LRRC49: variants seen among roughly 807,000 people sequenced by gnomAD.
LRRC49 encodes leucine-rich repeat-containing protein 49.
Under a neutral mutation model 83.3 loss-of-function variants are expected in LRRC49, and 50 were observed. The ratio of observed to expected loss-of-function variants is 0.60; its 90% CI spans 0.48 to 0.76. The LOEUF is 0.76. Among genes scored for constraint, LRRC49 ranks in the 30% least tolerant of loss-of-function variants. The pLI is 0.00. For missense variants in LRRC49, 704 were observed against 809.1 expected, an observed-to-expected ratio of 0.87 and a Z score of 1.58; for synonymous variants, 286 against 283.3, an observed-to-expected ratio of 1.01 and a Z score of -0.10.
At chr15:70,866,348 T>A (rs1390207341) in intron 1 of LRRC49, among the ~76,000 whole-genome samples, 1 of 152,058 alleles carries the variant, frequency 6.6e-6, no homozygotes, top group African/African-American at 2.4e-5. Context: ...GGTTTCACCA[T>A]GTTGGCCAGG....
chr15:70,993,403 C>A (rs894940893), intron 11 of LRRC49, among the ~76,000 whole-genome samples: 9 of 152,274 alleles, frequency 5.9e-5, no homozygotes, highest in Non-Finnish European at 8.8e-5. Flanking sequence ...ACCCACTGTC[C>A]AACAAGCCCC....
intron 6 of LRRC49, among the ~76,000 whole-genome samples, chr15:70,915,002 A>G (rs974622238): frequency 6.6e-6 from 1 of 152,232 alleles, no homozygotes; most frequent in Non-Finnish European, 1.5e-5. Context: ...TGTATGACCC[A>G]TAAATGGGCT....
At chr15:71,032,129 A>G (rs1356127353) in intron 14 of LRRC49, among the ~76,000 whole-genome samples, 1 of 152,190 alleles carries the variant, frequency 6.6e-6, no homozygotes, top group African/African-American at 2.4e-5. Context: ...TGATGTAGGC[A>G]CATGAGGGAA....
chr15:70,885,195 A>C (rs1055781250), intron 2 of LRRC49, among the ~76,000 whole-genome samples: 10 of 152,184 alleles, frequency 6.6e-5, no homozygotes, highest in Admixed American at 2.0e-4. Context: ...AGTCAAAAGA[A>C]AATATCTAGA....
intron 1 of LRRC49, chr15:70,859,015 G>T: frequency 9.3e-7 from 1 of 1,080,832 alleles, no homozygotes; most frequent in Non-Finnish European, 1.4e-6. Context: ...TCAACAACAA[G>T]TTTGCCTCCT....
At chr15:71,025,151 G>T (rs148218272) in intron 14 of LRRC49, among the ~76,000 whole-genome samples, 1 of 152,098 alleles carries the variant, frequency 6.6e-6, no homozygotes, top group South Asian at 2.1e-4. Flanking sequence ...AGAACTTCCC[G>T]TACCTAACAA....
chr15:70,991,141 G>A (rs564747653), intron 11 of LRRC49, among the ~76,000 whole-genome samples: 5 of 152,266 alleles, frequency 3.3e-5, no homozygotes, highest in African/African-American at 1.2e-4. Context: ...GTCTATTCCA[G>A]TGGCTCACAA....
chr15:71,019,638 C>T (rs1480317299), intron 14 of LRRC49, among the ~76,000 whole-genome samples: 5 of 152,118 alleles, frequency 3.3e-5, no homozygotes, highest in Non-Finnish European at 7.4e-5. Context: ...ACCTCTTCTC[C>T]CCACTCAGGA....
chr15:70,916,153 T>C (rs1367643383), intron 6 of LRRC49, among the ~76,000 whole-genome samples: 2 of 152,142 alleles, frequency 1.3e-5, no homozygotes, highest in African/African-American at 2.4e-5. Context: ...ACTCATCCCA[T>C]TGTGCTACAC....
rs11854588 is a variant in LRRC49 at position 70,953,652 on chromosome 15, G to A, written c.774-10133G>A. On this transcript the variant is annotated intron_variant, in intron 8 of 15. Coordinates refer to ENST00000260382, the MANE Select transcript of LRRC49 (RefSeq NM_017691.5). ...GGTGTTCTCTGAGTTTCTTGAATTT[G>A]TATATCACCCTCTCAAGCAAGATTG... Among the ~76,000 whole-genome samples, 431 of 152,124 alleles carry A rather than the reference G, an allele frequency of 2.8e-3. 3 individuals are homozygous for A. The highest frequency in any genetic ancestry group is 9.8e-3 in the African/African-American group (408 of 41,498).
intron 9 of LRRC49, among the ~76,000 whole-genome samples, chr15:70,973,153 T>C (rs2037075780): frequency 6.6e-6 from 1 of 152,164 alleles, no homozygotes; most frequent in Non-Finnish European, 1.5e-5. Context: ...GTTGGTGACC[T>C]TTGGATGGAG....
chr15:70,985,901 G>A (rs1029243450), intron 11 of LRRC49, among the ~76,000 whole-genome samples: 8 of 143,836 alleles, frequency 5.6e-5, no homozygotes, highest in Admixed American at 1.4e-4. Flanking sequence ...TTTCCCCATT[G>A]CTTGTTTTTC....
chr15:71,036,581 A>G (rs761363589), intron 14 of LRRC49, among the ~76,000 whole-genome samples: 8 of 152,194 alleles, frequency 5.3e-5, no homozygotes, highest in Admixed American at 4.6e-4. Context: ...TGTAAGTGAT[A>G]CTATGAGCAC....
chr15:71,001,564 C>A (rs1159537270), intron 11 of LRRC49, among the ~76,000 whole-genome samples: 6 of 152,152 alleles, frequency 3.9e-5, no homozygotes, highest in Admixed American at 2.6e-4. Context: ...TCTGAAATCT[C>A]CTGCTGCCAA....
rs528944982 is a variant in LRRC49 at position 70,856,492 on chromosome 15, A to G, written c.-299+3023A>G. Among the ~76,000 whole-genome samples, 538 of 152,242 alleles carry G rather than the reference A, an allele frequency of 3.5e-3. 2 individuals carry two copies. The highest frequency in any genetic ancestry group is 0.02 in the Middle Eastern group (6 of 294). On this transcript the variant is annotated intron_variant, in intron 1 of 16. Transcript: ENST00000544974. Reference sequence around the variant, plus strand: ...TATGGGGCATCTTTCTGGGGTATCAATTTTACTTAGCTATTTGAGAGAACA... The same window carrying G: ...TATGGGGCATCTTTCTGGGGTATCAGTTTTACTTAGCTATTTGAGAGAACA...
chr15:71,042,156 A>C lies in LRRC49; in HGVS notation c.1857+4824A>C, dbSNP rs1036273499. 3.3e-5 allele frequency among the ~76,000 whole-genome samples: 5 copies of C among 152,288 alleles called. No individual in the cohort carries two copies. The South Asian group carries it at 6.2e-4, about 19-fold the overall frequency. ...TTTTGGTAAATTGGACAGTCATTCA[A>C]GGTGATTGTGTTTTTTGTTTTTGTT... On this transcript the variant is annotated intron_variant, in intron 15 of 15. Coordinates refer to ENST00000260382, the MANE Select transcript of LRRC49 (RefSeq NM_017691.5).
intron 7 of LRRC49, among the ~76,000 whole-genome samples, chr15:70,920,116 C>G (rs924657594): frequency 1.3e-5 from 2 of 152,140 alleles, no homozygotes; most frequent in Non-Finnish European, 2.9e-5. Flanking sequence ...TTTAAGTTCT[C>G]TCTGGTATCA....
At chr15:70,892,017 C>CGGCGCCT (rs1567038079), upstream of LRRC49, 3 of 1,612,676 alleles carry the variant, frequency 1.9e-6, no homozygotes, top group African/African-American at 4.0e-5. Context: ...AGGGTGGGCA[C>CGGCGCCT]GGCGCCTGCC....
intron 14 of LRRC49, among the ~76,000 whole-genome samples, chr15:71,013,771 G>C (rs1402420181): frequency 6.6e-6 from 1 of 152,160 alleles, no homozygotes; most frequent in African/African-American, 2.4e-5. Flanking sequence ...GCAGTTTCTA[G>C]ACTGAGCCTC....
Sources: gnomAD v4.1 joint callset for allele counts (sites outside exome capture counted in the v4.1 genomes callset) on GRCh38, gnomAD v4.1.1 for gene constraint, MANE v1.5 for transcripts, NCBI Gene and HGNC (gene_info 2026-07-23, HGNC 2026-07-21) for gene names.